STOX2: variants seen among roughly 807,000 people sequenced by gnomAD.
STOX2 encodes storkhead box 2.
Under a neutral mutation model 60.9 loss-of-function variants are expected in STOX2, and 28 were observed. The observed-to-expected ratio is 0.46, with a 90% confidence interval of 0.34 to 0.63. The LOEUF is 0.63. STOX2 is among the 30% of genes least tolerant of loss of function. The pLI is 0.01. For missense variants in STOX2, 1,024 were observed against 1,187.7 expected (o/e 0.86, Z 2.03); for synonymous variants, 472 against 463.9 (o/e 1.02, Z -0.22).
Position 184,010,564 on chromosome 4 carries a change from G to A in STOX2, c.1726G>A (p.Gly576Arg). Residue 576 changes from glycine to arginine, a missense_variant, in exon 3 of 4, where the codon GGA (glycine) becomes AGA (arginine). Around this residue, in one of 3 missense-constraint regions of STOX2, gnomAD observed 922 missense variants for 1,058.3 expected, o/e 0.87. Transcript: ENST00000308497. This position sits in a 1 kb window ranked among gnomAD's most constrained non-coding sequence, Gnocchi z 4.5. ...PSSACSLLEP[G>R]KPPESLPSYG... ...CAGCGCTTGCAGCCTTTTGGAGCCAGGAAAACCACCCGAGAGTTTGCCATC... is the reference window on the plus strand; with the variant it reads ...CAGCGCTTGCAGCCTTTTGGAGCCAAGAAAACCACCCGAGAGTTTGCCATC... 1 of 1,613,910 alleles carries A rather than the reference G, an allele frequency of 6.2e-7. No individual in the cohort carries two copies. The highest frequency in any genetic ancestry group is 8.5e-7 in the Non-Finnish European group (1 of 1,179,858).
chr4:183,951,206 C>T (rs1171214406), intron 1 of STOX2, among the ~76,000 whole-genome samples: 1 of 141,938 alleles, frequency 7.0e-6, no homozygotes, highest in Admixed American at 7.1e-5. Context: ...CAGAGCGAGA[C>T]TCCGTCTCAA....
intron 1 of STOX2, among the ~76,000 whole-genome samples, chr4:183,946,832 G>A (rs888079125): frequency 2.6e-5 from 4 of 152,064 alleles, no homozygotes; most frequent in Non-Finnish European, 5.9e-5. Context: ...TCACCATGTT[G>A]GTCAGGCTGG....
intron 1 of STOX2, among the ~76,000 whole-genome samples, chr4:183,993,367 G>C (rs1006972609): frequency 6.6e-6 from 1 of 152,170 alleles, no homozygotes; most frequent in African/African-American, 2.4e-5. Context: ...CCCGGGTGAC[G>C]TGGGGGATGT....
At chr4:183,956,952 G>C (rs965430677) in intron 1 of STOX2, among the ~76,000 whole-genome samples, 1 of 138,752 alleles carries the variant, frequency 7.2e-6, no homozygotes, top group Non-Finnish European at 1.5e-5. Flanking sequence ...CAAGAATACT[G>C]TGTAAGTTGT....
intron 1 of STOX2, among the ~76,000 whole-genome samples, chr4:183,936,054 T>C (rs546675468): frequency 1.1e-3 from 163 of 152,370 alleles, no homozygotes; most frequent in Non-Finnish European, 2.0e-3. Context: ...ACAAAAGAAA[T>C]GCTTTCCTGT....
chr4:183,859,606 C>T (rs1234988603), intron 1 of STOX2, among the ~76,000 whole-genome samples: 1 of 152,248 alleles, frequency 6.6e-6, no homozygotes, highest in Admixed American at 6.5e-5. Context: ...GCCATCTCCA[C>T]CCACCCACAG....
chr4:183,845,211 G>A (rs748962171), intron 1 of STOX2, among the ~76,000 whole-genome samples: 7 of 152,166 alleles, frequency 4.6e-5, no homozygotes, highest in African/African-American at 7.2e-5. Flanking sequence ...CGGAGAGATG[G>A]CTTCTGGGTA....
At chr4:183,896,223 T>C (rs1001812445) in intron 1 of STOX2, among the ~76,000 whole-genome samples, 55 of 152,158 alleles carry the variant, frequency 3.6e-4, no homozygotes, top group African/African-American at 1.2e-3. Context: ...AATGAAGTCT[T>C]AACAGCTGAT....
intron 1 of STOX2, among the ~76,000 whole-genome samples, chr4:183,941,112 G>C (rs1742742024): frequency 6.6e-6 from 1 of 152,168 alleles, no homozygotes; most frequent in Non-Finnish European, 1.5e-5. Flanking sequence ...GTCATATTTA[G>C]TTTATCTTTT....
rs193125289 is a variant in STOX2 at position 184,019,515 on chromosome 4, G to T, written c.*2231G>T. 6.6e-6 allele frequency: 1 copy of T among 152,292 alleles called. No individual in the cohort carries two copies. Among genetic ancestry groups the T allele is most frequent in the East Asian group, 1.9e-4 (1 of 5,186 alleles). 9.4% of individuals were successfully genotyped at this position (152,292 alleles called of 1,614,324 possible). A position where few individuals can be genotyped will look rare whatever the true frequency, so the allele number is the denominator to read the frequency against. The stretch of plus-strand genomic sequence containing the variant: ...AGCTGATCCTCTGAAAGTAGCCATT[G>T]AAATAATCGAATACTGTGTGAACAG... On this transcript the variant is annotated 3_prime_UTR_variant, in exon 4 of 4. Transcript: ENST00000308497.
chr4:183,841,706 A>G (rs971329742), intron 1 of STOX2, among the ~76,000 whole-genome samples: 8 of 152,252 alleles, frequency 5.3e-5, no homozygotes, highest in Non-Finnish European at 1.0e-4. Flanking sequence ...TACACAGCTT[A>G]TTAAGGCATT....
Position 183,925,830 on chromosome 4 carries a change from A to T in STOX2, c.166+18874A>T, listed in dbSNP as rs973347377. On this transcript the variant is annotated intron_variant, in intron 1 of 3. Transcript: ENST00000308497. ...ATGAATGGATAAATTATTTATAATTAGCATATCAATGGTTCTACTAAGAGA... is the reference window on the plus strand; with the variant it reads ...ATGAATGGATAAATTATTTATAATTTGCATATCAATGGTTCTACTAAGAGA... Among the ~76,000 whole-genome samples the T allele has an allele frequency of 7.2e-5, 11 of 152,242 alleles. 1 individual carries two copies. The highest frequency in any genetic ancestry group is 1.3e-4 in the Non-Finnish European group (9 of 68,036).
At chr4:183,824,786 T>C (rs1301765783) in intron 1 of STOX2, among the ~76,000 whole-genome samples, 1 of 152,190 alleles carries the variant, frequency 6.6e-6, no homozygotes, top group East Asian at 1.9e-4. Flanking sequence ...GGAGACATCA[T>C]GCATTTAGTT....
At chr4:183,837,427 A>T (rs991607926) in intron 1 of STOX2, among the ~76,000 whole-genome samples, 1 of 150,656 alleles carries the variant, frequency 6.6e-6, no homozygotes, top group Non-Finnish European at 1.5e-5. Context: ...TATCTGGCTT[A>T]TCTCACTCAG....
At chr4:183,896,322 G>C (rs943719668) in intron 1 of STOX2, among the ~76,000 whole-genome samples, 1 of 152,148 alleles carries the variant, frequency 6.6e-6, no homozygotes, top group Non-Finnish European at 1.5e-5. Flanking sequence ...GCCATTCTCC[G>C]TGGCTCCGTG....
intron 1 of STOX2, among the ~76,000 whole-genome samples, chr4:183,858,045 G>A (rs1435899307): frequency 6.6e-6 from 1 of 152,178 alleles, no homozygotes; most frequent in African/African-American, 2.4e-5. Context: ...AGTCCACAGT[G>A]AGGAGCGGGT....
At chr4:183,817,878 T>A (rs944493260) in intron 1 of STOX2, among the ~76,000 whole-genome samples, 3 of 152,282 alleles carry the variant, frequency 2.0e-5, no homozygotes, top group African/African-American at 7.2e-5. Flanking sequence ...AACAAGCAAA[T>A]GTGCATCTTC....
At chr4:183,831,129 AGGGGGGATGGT>A (rs1431800641) in intron 1 of STOX2, among the ~76,000 whole-genome samples, 1 of 143,670 alleles carries the variant, frequency 7.0e-6, no homozygotes, top group African/African-American at 2.6e-5. Context: ...TGGAGGCGTG[AGGGGGGATGGT>A]GGGGGGATGG....
At chr4:183,901,991 C>T (rs1162312519), upstream of STOX2, among the ~76,000 whole-genome samples, 5 of 152,192 alleles carry the variant, frequency 3.3e-5, no homozygotes, top group East Asian at 7.7e-4. Flanking sequence ...ATGTCATATA[C>T]TTGGTACACT....
Sources: allele counts gnomAD v4.1 joint callset (sites outside exome capture counted in the v4.1 genomes callset), GRCh38; gene constraint gnomAD v4.1.1; regional missense constraint gnomAD v4.1.1; non-coding constraint Gnocchi (gnomAD v3.1); transcripts MANE v1.5; gene names NCBI Gene and HGNC (gene_info 2026-07-23, HGNC 2026-07-21).